PAWR: variants seen among roughly 807,000 people sequenced by gnomAD.
PAWR encodes pro-apoptotic WT1 regulator.
A neutral mutation model predicts 32.0 loss-of-function variants in PAWR; 23 were observed. That is an observed-to-expected ratio of 0.72 (90% CI 0.52 to 1.02). The LOEUF is 1.02. PAWR is among the 50% of genes least tolerant of loss of function. The pLI is 0.00. For synonymous variants in PAWR, 226 were observed against 187.1 expected (o/e 1.21, Z -1.70); for missense variants, 457 against 437.7 (o/e 1.04, Z -0.39).
At chr12:79,652,903 A>G (rs1876915225) in intron 2 of PAWR, among the ~76,000 whole-genome samples, 2 of 152,264 alleles carry the variant, frequency 1.3e-5, no homozygotes, top group African/African-American at 4.8e-5. Context: ...AATTAAAAAT[A>G]TAGTTTTCTA....
intron 4 of PAWR, among the ~76,000 whole-genome samples, chr12:79,605,479 T>A (rs1348708217): frequency 6.6e-6 from 1 of 152,066 alleles, no homozygotes; most frequent in Non-Finnish European, 1.5e-5. Flanking sequence ...TTTGAACTAT[T>A]CAATATTTGA....
chr12:79,689,888 A>T lies in PAWR; in HGVS notation c.357T>A (p.Ala119=). 2 of 1,531,586 alleles carry T rather than the reference A, an allele frequency of 1.3e-6. No homozygotes were observed. Among genetic ancestry groups the T allele is most frequent in the South Asian group, 1.2e-5 (1 of 81,950 alleles). The allele number at this position is 1,531,586 out of a possible 1,614,324, so 94.9% of individuals were successfully genotyped here. Residue 119 remains alanine, a synonymous_variant, in exon 2 of 7, where the codon GCT becomes GCA. Transcript: ENST00000328827. ...EDEPPAASAS[A]APPPQRDEEE... Reference sequence around the variant, plus strand: ...CCTCGTCACGCTGGGGCGGCGGTGCAGCCGAGGCAGAGGCGGCTGGGGGCT... The same window carrying T: ...CCTCGTCACGCTGGGGCGGCGGTGCTGCCGAGGCAGAGGCGGCTGGGGGCT...
rs1873431666 is a variant in PAWR, at chr12:79,587,878, A to G, written c.*4729T>C. 1.3e-5 allele frequency: 2 copies of G among 148,442 alleles called. No homozygotes were observed. The highest frequency in any genetic ancestry group is 6.9e-5 in the Admixed American group (1 of 14,426). The allele number at this position is 148,442 out of a possible 1,614,324, so 9.2% of individuals were successfully genotyped here. A position where few individuals can be genotyped will look rare whatever the true frequency, so the allele number is the denominator to read the frequency against. On this transcript the variant is annotated 3_prime_UTR_variant, in exon 7 of 7. Transcript: ENST00000328827. Reference sequence around the variant, plus strand: ...TCTATATTAAGTTGACTATTCCACAATAAAAACCTATGAAATGGGAATGAT... The same window carrying G: ...TCTATATTAAGTTGACTATTCCACAGTAAAAACCTATGAAATGGGAATGAT...
chr12:79,626,180 A>C (rs1430456926), intron 2 of PAWR, among the ~76,000 whole-genome samples: 2 of 148,380 alleles, frequency 1.3e-5, no homozygotes, highest in Non-Finnish European at 3.0e-5. Flanking sequence ...AAAAAAAAAA[A>C]AAAAAGAATA....
intron 4 of PAWR, among the ~76,000 whole-genome samples, chr12:79,597,621 T>C (rs1473726795): frequency 1.3e-5 from 2 of 152,154 alleles, no homozygotes; most frequent in African/African-American, 4.8e-5. Flanking sequence ...ATACAGAAAA[T>C]TGCTACCATA....
rs1367879013 is a variant in PAWR, at chr12:79,639,260, ATAT to A, written c.517-18056_517-18054del. Among the ~76,000 whole-genome samples, 4 of 152,036 alleles carry A rather than the reference ATAT, an allele frequency of 2.6e-5. No homozygotes were observed. The South Asian group carries it at 6.2e-4, about 24-fold the overall frequency. On this transcript the variant is annotated intron_variant, in intron 2 of 6. Transcript: ENST00000328827. ...TCACCAATTTATCTACATAAAAGCCATATTATTTTTATCATTATAAGTTAATAA... is the reference window on the plus strand; with the variant it reads ...TCACCAATTTATCTACATAAAAGCCATATTTTTATCATTATAAGTTAATAA...
At chr12:79,648,303 C>A (rs1876674602) in intron 2 of PAWR, among the ~76,000 whole-genome samples, 1 of 152,126 alleles carries the variant, frequency 6.6e-6, no homozygotes, top group Non-Finnish European at 1.5e-5. Context: ...AGAAATTTGA[C>A]AGGATGGATT....
At chr12:79,650,551 T>C (rs1012826138) in intron 2 of PAWR, among the ~76,000 whole-genome samples, 2 of 152,074 alleles carry the variant, frequency 1.3e-5, no homozygotes, top group Admixed American at 6.6e-5. Context: ...AGTTGGCAAA[T>C]GTTTTCTCTG....
Position 79,652,236 on chromosome 12 carries a change from C to A in PAWR, c.517-31029G>T, listed in dbSNP as rs148964118. Among the ~76,000 whole-genome samples the A allele has an allele frequency of 2.0e-5, 3 of 151,904 alleles. No homozygotes were observed. The South Asian group carries it at 6.2e-4, about 32-fold the overall frequency. On this transcript the variant is annotated intron_variant, in intron 2 of 6. Transcript: ENST00000328827. Reference sequence around the variant, plus strand: ...ACTCTACACTTAAAATGGTTCGATGCTAAGTTTTATATTATATACGTATAT... The same window carrying A: ...ACTCTACACTTAAAATGGTTCGATGATAAGTTTTATATTATATACGTATAT...
intron 2 of PAWR, among the ~76,000 whole-genome samples, chr12:79,688,946 T>C (rs924429985): frequency 6.6e-6 from 1 of 152,198 alleles, no homozygotes; most frequent in African/African-American, 2.4e-5. Flanking sequence ...TTAGTAAAAA[T>C]GTTTTACCAG....
rs577410083 is a variant in PAWR at position 79,592,755 on chromosome 12, C to G, written c.937-62G>C. 4.4e-5 allele frequency: 28 copies of G among 639,658 alleles called. No homozygotes were observed. The East Asian group carries it at 7.7e-4, about 18-fold the overall frequency. The allele number at this position is 639,658 out of a possible 1,614,324, so 39.6% of individuals were successfully genotyped here. A position where few individuals can be genotyped will look rare whatever the true frequency, so the allele number is the denominator to read the frequency against. ...AAATATTTGAGGAGAGATGAAAACA[C>G]TTAATACACATTAAAAATAATTCAT... On this transcript the variant is annotated intron_variant, in intron 6 of 6. Transcript: ENST00000328827.
intron 3 of PAWR, 123 bp downstream of exon 3, chr12:79,620,952 AG>A: frequency 1.4e-6 from 1 of 693,612 alleles, no homozygotes; most frequent in East Asian, 2.7e-5. Flanking sequence ...ACTTATGGTA[AG>A]GAAGGCATAA....
chr12:79,632,308 CATACATATATATATATAT>C (rs1875688925), intron 2 of PAWR: 1 of 25,166 alleles, frequency 4.0e-5, no homozygotes, highest in Non-Finnish European at 6.0e-5. Flanking sequence ...TATATATATA[CATACATATATATATATAT>C]ATATATATAT....
rs1264988257 is a variant in PAWR, at chr12:79,584,884, G to A, written c.*7723C>T. ...CACATACAAAACAAATTGTATAACT[G>A]ATGAAACATACATTTATTTTTTCCA... On this transcript the variant is annotated 3_prime_UTR_variant, in exon 7 of 7. Transcript: ENST00000328827. The A allele has an allele frequency of 5.0e-6, 1 of 201,884 alleles. No individual in the cohort carries two copies. The highest frequency in any genetic ancestry group is 1.0e-5 in the Non-Finnish European group (1 of 99,478). 12.5% of individuals were successfully genotyped at this position (201,884 alleles called of 1,614,324 possible).
chr12:79,620,964 G>A (rs1874975655), intron 3 of PAWR, 112 bp downstream of exon 3: 5 of 761,708 alleles, frequency 6.6e-6, no homozygotes, highest in African/African-American at 1.8e-5. Context: ...GAAGGCATAA[G>A]TAGGAGGAAA....
At chr12:79,612,053 A>C (rs976509879) in intron 4 of PAWR, among the ~76,000 whole-genome samples, 4 of 152,248 alleles carry the variant, frequency 2.6e-5, no homozygotes, top group African/African-American at 9.6e-5. Flanking sequence ...CCAAACCAAA[A>C]ACTAATGCTA....
intron 2 of PAWR, among the ~76,000 whole-genome samples, chr12:79,628,494 A>C (rs983738849): frequency 6.6e-6 from 1 of 152,268 alleles, no homozygotes; most frequent in Non-Finnish European, 1.5e-5. Flanking sequence ...GACACAAAAA[A>C]CCCTTCGAAA....
At chr12:79,601,878 A>T (rs1019191121) in intron 4 of PAWR, among the ~76,000 whole-genome samples, 6 of 152,328 alleles carry the variant, frequency 3.9e-5, no homozygotes, top group South Asian at 2.1e-4. Context: ...AGAATTTTTT[A>T]AAAAGTTTCA....
intron 2 of PAWR, chr12:79,635,474 T>A (rs554873374): frequency 6.6e-6 from 1 of 152,232 alleles, no homozygotes; most frequent in Non-Finnish European, 1.5e-5. Context: ...TACACCTTGT[T>A]TAACTGGAGA....
Sources: allele counts gnomAD v4.1 joint callset (sites outside exome capture counted in the v4.1 genomes callset), GRCh38; gene constraint gnomAD v4.1.1; transcripts MANE v1.5; gene names NCBI Gene and HGNC (gene_info 2026-07-23, HGNC 2026-07-21).